SEC24B: variants seen among roughly 807,000 people sequenced by gnomAD.
SEC24B encodes SEC24 homolog B, COPII component.
Under a neutral mutation model 142.8 loss-of-function variants are expected in SEC24B, and 45 were observed. The observed-to-expected ratio is 0.32, with a 90% CI of 0.25 to 0.40. The LOEUF (loss-of-function observed/expected upper bound fraction) is 0.40, where lower values mean the gene tolerates loss of function less well. Among genes scored for constraint, SEC24B ranks in the 10% least tolerant of loss-of-function variants. The pLI is 1.00. For synonymous variants in SEC24B, 574 were observed against 568.2 expected, an observed-to-expected ratio of 1.01 and a Z score of -0.15; for missense variants, 1,409 against 1,526.8, an observed-to-expected ratio of 0.92 and a Z score of 1.29.
intron 1 of SEC24B, among the ~76,000 whole-genome samples, chr4:109,443,845 A>G (rs1041150211): frequency 6.6e-6 from 1 of 152,230 alleles, no homozygotes; most frequent in Non-Finnish European, 1.5e-5. Context: ...TTGAATTGTC[A>G]GGTAAAAATG....
At chr4:109,506,742 C>T (rs563637193) in intron 7 of SEC24B, among the ~76,000 whole-genome samples, 1 of 152,158 alleles carries the variant, frequency 6.6e-6, no homozygotes, top group East Asian at 1.9e-4. Flanking sequence ...GAAATTATTT[C>T]TATTTGAATG....
chr4:109,464,287 G>C (rs1731626696), intron 2 of SEC24B, among the ~76,000 whole-genome samples: 1 of 151,456 alleles, frequency 6.6e-6, no homozygotes, highest in Admixed American at 6.6e-5. Context: ...GTAAGACGTG[G>C]CTTGCCCTTT....
In SEC24B at chr4:109,494,823, C is replaced by A. The variant is rs1735375261; in HGVS notation, c.1455C>A (p.Asn485Lys). The change falls in exon 6 of 24, where the codon AAC becomes AAA. Residue 485 changes from asparagine (N) to lysine (K), a missense_variant. Asn to Lys is a moderately conservative substitution (Grantham distance 94, BLOSUM62 0). Coordinates refer to ENST00000265175, the MANE Select transcript of SEC24B (RefSeq NM_006323.5). ...APLISGVQPS[N>K]PVYSGFQQYP... ...TTATTTCTGGAGTACAGCCCAGTAA[C>A]CCGGTATATTCTGGATTCCAGCAGT... 1.9e-6 allele frequency: 3 copies of A among 1,613,954 alleles called. No individual in the cohort carries two copies. The South Asian group carries it at 3.3e-5, about 18-fold the overall frequency.
chr4:109,445,477 G>A (rs866363291), intron 1 of SEC24B, among the ~76,000 whole-genome samples: 13 of 144,720 alleles, frequency 9.0e-5, no homozygotes, highest in Admixed American at 2.1e-4. Flanking sequence ...GGATGGTCTC[G>A]ATCTGACCTC....
At chr4:109,536,184 T>C (rs548780770) in intron 22 of SEC24B, among the ~76,000 whole-genome samples, 24 of 152,232 alleles carry the variant, frequency 1.6e-4, no homozygotes, top group Non-Finnish European at 2.8e-4. Flanking sequence ...GGGGGAAATA[T>C]ATGAAAAATA....
chr4:109,473,111 A>G lies in SEC24B; in HGVS notation c.985A>G (p.Thr329Ala), dbSNP rs767745583. ...ATCCTCAGGATCCTCATCAACAAGA[A>G]CACCTCCCACTGCAAATCACCCAGT... is the stretch of plus-strand genomic sequence containing the variant. ...SGSSGSSSTRTPPTANHPVEP... is the reference protein window; with the variant it reads ...SGSSGSSSTRAPPTANHPVEP... Residue 329 changes from threonine to alanine, a missense_variant, in exon 3 of 24, where the codon ACA (threonine) becomes GCA (alanine). Coordinates refer to ENST00000265175, the MANE Select transcript of SEC24B (RefSeq NM_006323.5). 1.3e-5 allele frequency: 21 copies of G among 1,600,348 alleles called. No homozygotes were observed. The highest frequency in any genetic ancestry group is 3.5e-5 in the Admixed American group (2 of 57,904).
intron 7 of SEC24B, 28 bp downstream of exon 7, chr4:109,506,540 T>A (rs1252097080): frequency 3.7e-6 from 5 of 1,363,072 alleles, no homozygotes; most frequent in Non-Finnish European, 4.9e-6. Context: ...TTATAATCTT[T>A]CTTAAGTGAT....
chr4:109,525,312 C>A (rs780440745), intron 15 of SEC24B, 34 bp from the exon 16 acceptor site: 2 of 1,509,598 alleles, frequency 1.3e-6, no homozygotes, highest in African/African-American at 2.8e-5. Context: ...ATTATTATTT[C>A]TATAGCTAAT....
chr4:109,510,013 T>C lies in SEC24B; in HGVS notation c.1678T>C (p.Phe560Leu), dbSNP rs1178871688. ...TGTTGTTTATGTTTTTTGCAGTTCA[T>C]TTCGGTGTACTTTGACAAATATTCC... ...LKKLNCSPDSFRCTLTNIPQT... is the reference protein window; with the variant it reads ...LKKLNCSPDSLRCTLTNIPQT... The change falls in exon 8 of 24, where the codon TTT becomes CTT. Residue 560 changes from phenylalanine to leucine, a missense_variant. Phe to Leu is a conservative substitution (Grantham distance 22, BLOSUM62 0). Transcript: ENST00000265175. 16 of 1,597,410 alleles carry C rather than the reference T, an allele frequency of 1.0e-5. No homozygotes were observed. The highest frequency in any genetic ancestry group is 1.4e-5 in the Non-Finnish European group (16 of 1,172,340).
chr4:109,449,468 G>A (rs919466403), intron 1 of SEC24B: 2 of 451,498 alleles, frequency 4.4e-6, no homozygotes, highest in African/African-American at 2.0e-5. Flanking sequence ...CTGGACCCAA[G>A]CAATCTGCCC....
chr4:109,508,133 C>A (rs1736913579), intron 7 of SEC24B, among the ~76,000 whole-genome samples: 1 of 152,164 alleles, frequency 6.6e-6, no homozygotes, highest in African/African-American at 2.4e-5. Context: ...AAGATTGTTT[C>A]CGTAAAAATA....
chr4:109,516,125 A>G (rs1185145738), intron 10 of SEC24B, among the ~76,000 whole-genome samples: 2 of 152,164 alleles, frequency 1.3e-5, no homozygotes, highest in Admixed American at 1.3e-4. Flanking sequence ...GGATTCAGTC[A>G]CCTCCAGGTA....
Position 109,463,621 on chromosome 4 carries a change from C to T in SEC24B, c.854C>T (p.Ala285Val), listed in dbSNP as rs766724057. The change falls in exon 2 of 24, where the codon GCG becomes GTG. Residue 285 changes from alanine (A) to valine (V), a missense_variant. Coordinates refer to ENST00000265175, the MANE Select transcript of SEC24B (RefSeq NM_006323.5). ...IRNHTGSLAVANNNPTITVAD... is the reference protein window; with the variant it reads ...IRNHTGSLAVVNNNPTITVAD... Reference sequence around the variant, plus strand: ...AACCACACAGGATCCCTGGCTGTAGCGAACAACAACCCAACCATTACTGGT... The same window carrying T: ...AACCACACAGGATCCCTGGCTGTAGTGAACAACAACCCAACCATTACTGGT... 9.9e-6 allele frequency: 16 copies of T among 1,613,274 alleles called. No homozygotes were observed. The highest frequency in any genetic ancestry group is 2.2e-5 in the East Asian group (1 of 44,844).
intron 1 of SEC24B, among the ~76,000 whole-genome samples, chr4:109,445,509 C>T (rs191976700): frequency 9.6e-4 from 146 of 151,862 alleles, no homozygotes; most frequent in African/African-American, 3.0e-3. Context: ...GTCTCAGCCT[C>T]CCAAAGTGCT....
intron 2 of SEC24B, among the ~76,000 whole-genome samples, chr4:109,466,624 A>G (rs969729446): frequency 6.6e-6 from 1 of 152,116 alleles, no homozygotes; most frequent in Non-Finnish European, 1.5e-5. Context: ...GTTGGCCAGG[A>G]TGGTCTTGAT....
intron 22 of SEC24B, among the ~76,000 whole-genome samples, chr4:109,535,438 C>G (rs1725417043): frequency 6.6e-6 from 1 of 151,864 alleles, no homozygotes; most frequent in East Asian, 1.9e-4. Context: ...TGCCAGTAGT[C>G]CCAGCTACTC....
At chr4:109,514,095 T>TC (rs1460799262) in intron 10 of SEC24B, among the ~76,000 whole-genome samples, 2 of 152,226 alleles carry the variant, frequency 1.3e-5, no homozygotes, top group Non-Finnish European at 2.9e-5. Context: ...GGCACTAGCA[T>TC]CTATGACTTG....
chr4:109,481,849 T>G (rs1733776163), intron 4 of SEC24B, 68 bp downstream of exon 4: 10 of 1,118,190 alleles, frequency 8.9e-6, no homozygotes, highest in African/African-American at 3.1e-5. Flanking sequence ...TTCCACAGTC[T>G]TACTTAGCCT....
At chr4:109,452,388 T>C (rs76264283) in intron 1 of SEC24B, among the ~76,000 whole-genome samples, 2,997 of 152,370 alleles carry the variant, frequency 0.02, 99 homozygotes, top group African/African-American at 0.067. Context: ...TAAACATTCA[T>C]GTACTGGCTT....
Sources: allele counts gnomAD v4.1 joint callset (sites outside exome capture counted in the v4.1 genomes callset), GRCh38; gene constraint gnomAD v4.1.1; transcripts MANE v1.5; gene names NCBI Gene and HGNC (gene_info 2026-07-23, HGNC 2026-07-21).